SLBP: variants seen among roughly 807,000 people sequenced by gnomAD.
The protein encoded by SLBP is stem-loop histone mRNA binding protein.
In SLBP, 29 loss-of-function variants were observed where a neutral mutation model predicts 39.2. The observed-to-expected ratio is 0.74, with a 90% CI of 0.55 to 1.01. The LOEUF (loss-of-function observed/expected upper bound fraction) is 1.01, where lower values mean the gene tolerates loss of function less well. Ranked by LOEUF, SLBP falls within the 50% of genes least tolerant of loss-of-function variation. The pLI is 0.00. For missense variants in SLBP, 390 were observed against 350.2 expected, an observed-to-expected ratio of 1.11 and a Z score of -0.91; for synonymous variants, 129 against 118.7, an observed-to-expected ratio of 1.09 and a Z score of -0.57.
In SLBP at chr4:1,692,924, A is replaced by T. The variant is rs535935323; in HGVS notation, c.*673T>A. ...ATCTGTACACATTATCATTTACAGC[A>T]ATTTTACATGGTAAATTAACTGATT... On this transcript the variant is annotated 3_prime_UTR_variant, in exon 8 of 8. Coordinates refer to ENST00000489418, the MANE Select transcript of SLBP (RefSeq NM_006527.4). The T allele has an allele frequency of 1.3e-5, 2 of 152,792 alleles. No homozygotes were observed. The highest frequency in any genetic ancestry group is 4.1e-4 in the South Asian group (2 of 4,832). 9.5% of individuals were successfully genotyped at this position (152,792 alleles called of 1,614,324 possible).
At chr4:1,697,158 TAAAAA>T (rs59715153) in intron 5 of SLBP, among the ~76,000 whole-genome samples, 12 of 32,778 alleles carry the variant, frequency 3.7e-4, no homozygotes, top group African/African-American at 5.4e-4. Flanking sequence ...GACTCCACCT[TAAAAA>T]AAAAAAAAAA....
chr4:1,700,263 A>C (rs1018116972), intron 3 of SLBP, among the ~76,000 whole-genome samples, 193 bp from the exon 4 acceptor site: 3 of 152,146 alleles, frequency 2.0e-5, no homozygotes, highest in Admixed American at 6.5e-5. Flanking sequence ...CATTCCCTAA[A>C]ACTTGGCAGC....
chr4:1,708,842 C>G (rs1716621729), intron 2 of SLBP, among the ~76,000 whole-genome samples: 1 of 152,188 alleles, frequency 6.6e-6, no homozygotes, highest in African/African-American at 2.4e-5. Flanking sequence ...TGTGCAAATA[C>G]CAAGTGCAAA....
At chr4:1,704,434 C>T (rs1716443358) in intron 2 of SLBP, among the ~76,000 whole-genome samples, 1 of 152,144 alleles carries the variant, frequency 6.6e-6, no homozygotes, top group Non-Finnish European at 1.5e-5. Context: ...TTTAATTTGT[C>T]TCTATGCCAT....
In SLBP at chr4:1,694,769, C is replaced by G; in HGVS notation, c.696+5G>C. On this transcript the variant is annotated splice_donor_5th_base_variant and intron_variant, in intron 7 of 7. Transcript: ENST00000489418. ...CAAGCTGAAAGACTTATCCAAAGTA[C>G]TTACAAAGTCATCCTGAGAGCTGGT... 6.2e-7 allele frequency: 1 copy of G among 1,606,102 alleles called. No homozygotes were observed. The highest frequency in any genetic ancestry group is 1.1e-5 in the South Asian group (1 of 90,926).
At chr4:1,703,249 AAAAAG>A (rs1355318173) in intron 3 of SLBP, among the ~76,000 whole-genome samples, 2 of 145,904 alleles carry the variant, frequency 1.4e-5, no homozygotes, top group African/African-American at 4.9e-5. Context: ...AAAAAAAAAA[AAAAAG>A]AAAGTTAGTT....
At chr4:1,698,641 C>T (rs13124276) in intron 5 of SLBP, among the ~76,000 whole-genome samples, 47,150 of 151,148 alleles carry the variant, frequency 0.31, 8,446 homozygotes, top group East Asian at 0.69. Flanking sequence ...TGTGCCACCA[C>T]GCCCAGCAAA....
In SLBP at chr4:1,708,816, C is replaced by T. The variant is rs150835811; in HGVS notation, c.176+3058G>A. Among the ~76,000 whole-genome samples the T allele has an allele frequency of 2.0e-5, 3 of 152,338 alleles. No homozygotes were observed. The East Asian group carries it at 5.8e-4, about 29-fold the overall frequency. On this transcript the variant is annotated intron_variant, in intron 2 of 7. Coordinates refer to ENST00000489418, the MANE Select transcript of SLBP (RefSeq NM_006527.4). ...GCTGGCTCTATTTGTCAGGTGCCTC[C>T]AGGCATTATCCACAATGTGCAAATA...
intron 2 of SLBP, among the ~76,000 whole-genome samples, chr4:1,710,735 T>A (rs1432339011): frequency 6.6e-6 from 1 of 151,654 alleles, no homozygotes; most frequent in Non-Finnish European, 1.5e-5. Context: ...TCTGTAGGTA[T>A]CTGCTTAGAA....
chr4:1,705,601 T>C (rs1716487496), intron 2 of SLBP, among the ~76,000 whole-genome samples: 1 of 152,222 alleles, frequency 6.6e-6, no homozygotes, highest in African/African-American at 2.4e-5. Flanking sequence ...TCTCACCATG[T>C]TGTAAATATT....
At chr4:1,708,794 G>C (rs1287263698) in intron 2 of SLBP, among the ~76,000 whole-genome samples, 1 of 152,204 alleles carries the variant, frequency 6.6e-6, no homozygotes, top group East Asian at 1.9e-4. Flanking sequence ...TCAACGAGCT[G>C]GCTCTATTTG....
intron 3 of SLBP, 170 bp from the exon 4 acceptor site, chr4:1,700,240 C>A: frequency 4.3e-6 from 2 of 466,944 alleles, no homozygotes; most frequent in Non-Finnish European, 7.6e-6. Context: ...GAGATCCACA[C>A]AACAAAAATT....
In SLBP at chr4:1,700,087, T is replaced by C. The variant is rs1410908494; in HGVS notation, c.282-17A>G. ...CTTTTATATCTGAGGGCAAAATAAATATTGCTGTTTTTAAAAAAGATATAA... is the reference window on the plus strand; with the variant it reads ...CTTTTATATCTGAGGGCAAAATAAACATTGCTGTTTTTAAAAAAGATATAA... On this transcript the variant is annotated splice_polypyrimidine_tract_variant and intron_variant, in intron 3 of 7. Transcript: ENST00000489418. The C allele has an allele frequency of 6.4e-7, 1 of 1,554,068 alleles. No individual in the cohort carries two copies. Among genetic ancestry groups the C allele is most frequent in the South Asian group, 1.2e-5 (1 of 86,776 alleles).
chr4:1,709,612 T>TC (rs1491225448), intron 2 of SLBP, among the ~76,000 whole-genome samples: 1 of 143,456 alleles, frequency 7.0e-6, no homozygotes, highest in Non-Finnish European at 1.6e-5. Flanking sequence ...AACATCTACT[T>TC]CTTTTTTTTT....
chr4:1,698,121 G>A (rs1291635848), intron 5 of SLBP, among the ~76,000 whole-genome samples: 1 of 151,848 alleles, frequency 6.6e-6, no homozygotes, highest in Admixed American at 6.6e-5. Flanking sequence ...CAGCACTGTG[G>A]GAGGCAGAGA....
At chr4:1,699,908 AAATGCTACTGCGACAGT>A (rs1638994059) in intron 4 of SLBP, 86 bp downstream of exon 4, 1 of 904,200 alleles carries the variant, frequency 1.1e-6, no homozygotes. Context: ...AGGTATTAAT[AAATGCTACTGCGACAGT>A]CAGCATTTCT....
chr4:1,699,678 G>A lies in SLBP; in HGVS notation c.365C>T (p.Ser122Phe). ...SGSSDSKESM[S>F]TVPADFETDE... The stretch of plus-strand genomic sequence containing the variant: ...TGTCTCAAAGTCAGCCGGCACAGTA[G>A]ACATAGACTCCTTTGAATCAGAACT... Residue 122 changes from serine (S) to phenylalanine (F), a missense_variant, in exon 5 of 8, where the codon TCT becomes TTT. Coordinates refer to ENST00000489418, the MANE Select transcript of SLBP (RefSeq NM_006527.4). 1 of 1,613,680 alleles carries A rather than the reference G, an allele frequency of 6.2e-7. No individual in the cohort carries two copies. Among genetic ancestry groups the A allele is most frequent in the Non-Finnish European group, 8.5e-7 (1 of 1,179,680 alleles).
Position 1,711,940 on chromosome 4 carries a change from C to T in SLBP, c.110G>A (p.Gly37Asp). ...WSLGRKRRAD[G>D]RRWRPEDAEE... ...GGCGTCTTCGGGCCTCCAGCGCCTG[C>T]CGTCGGCTCTGCGCTTCCGTCCCAG... is the stretch of plus-strand genomic sequence containing the variant. Residue 37 changes from glycine to aspartate, a missense_variant, in exon 2 of 8, where the codon GGC becomes GAC. By Grantham distance (94) the Gly-to-Asp change is moderately conservative. Coordinates refer to ENST00000489418, the MANE Select transcript of SLBP (RefSeq NM_006527.4). 1 of 1,345,728 alleles carries T rather than the reference C, an allele frequency of 7.4e-7. No homozygotes were observed. Among genetic ancestry groups the T allele is most frequent in the Non-Finnish European group, 9.5e-7 (1 of 1,049,730 alleles). 83.4% of individuals were successfully genotyped at this position (1,345,728 alleles called of 1,614,324 possible).
intron 7 of SLBP, 115 bp downstream of exon 7, chr4:1,694,659 G>C: frequency 1.3e-6 from 1 of 767,162 alleles, no homozygotes; most frequent in Non-Finnish European, 2.3e-6. Context: ...CCAAGGTGCT[G>C]GGATTACAGG....
Sources: allele counts gnomAD v4.1 joint callset (sites outside exome capture counted in the v4.1 genomes callset), GRCh38; gene constraint gnomAD v4.1.1; transcripts MANE v1.5; gene names NCBI Gene and HGNC (gene_info 2026-07-23, HGNC 2026-07-21).